ZNF654: variants seen among roughly 807,000 people sequenced by gnomAD.
ZNF654 encodes zinc finger protein 654.
In ZNF654, 19 loss-of-function variants were observed where a neutral mutation model predicts 95.3. That is an observed-to-expected ratio of 0.20 (90% CI 0.14 to 0.29). The LOEUF is 0.29. Ranked by LOEUF, ZNF654 falls within the 10% of genes least tolerant of loss-of-function variation. ZNF654 has a pLI of 1.00. For missense variants in ZNF654, 1,046 were observed against 1,341.0 expected (o/e 0.78, Z 3.44); for synonymous variants, 413 against 457.9 (o/e 0.90, Z 1.25).
intron 1 of ZNF654, among the ~76,000 whole-genome samples, chr3:88,065,201 G>A (rs1306999493): frequency 5.3e-5 from 8 of 151,996 alleles, no homozygotes; most frequent in Non-Finnish European, 7.4e-5. Flanking sequence ...ACATCAACTC[G>A]TTTATTATAA....
rs771666001 is a variant in ZNF654 at position 88,141,671 on chromosome 3, ATC to A, written c.*21_*22del. ...TGCCTGATGAAAACGGTTCAGAAAG[ATC>A]TGTCAATCAAGCAGTAGTGTGAAAA... On this transcript the variant is annotated 3_prime_UTR_variant, in exon 9 of 9. Transcript: ENST00000636215. The A allele has an allele frequency of 6.7e-7, 1 of 1,502,124 alleles. No homozygotes were observed. Among genetic ancestry groups the A allele is most frequent in the Non-Finnish European group, 9.0e-7 (1 of 1,110,700 alleles). 93.0% of individuals were successfully genotyped at this position (1,502,124 alleles called of 1,614,324 possible).
rs1296948026 is a variant in ZNF654, at chr3:88,143,895, CAT to C, written c.*2245_*2246del. On this transcript the variant is annotated 3_prime_UTR_variant, in exon 9 of 9. Transcript: ENST00000636215. ...ATTTTATTACATCTGTCTTTTAAAA[CAT>C]AAACCTACATCATTTTGCTTTTATA... The C allele has an allele frequency of 6.6e-6, 1 of 151,918 alleles. No homozygotes were observed. Among genetic ancestry groups the C allele is most frequent in the Non-Finnish European group, 1.5e-5 (1 of 67,772 alleles). 9.4% of individuals were successfully genotyped at this position (151,918 alleles called of 1,614,324 possible). A position where few individuals can be genotyped will look rare whatever the true frequency, so the allele number is the denominator to read the frequency against.
chr3:88,140,533 T>C lies in ZNF654; in HGVS notation c.2864T>C (p.Leu955Ser). 6.2e-7 allele frequency: 1 copy of C among 1,613,744 alleles called. No individual in the cohort carries two copies. The highest frequency in any genetic ancestry group is 8.5e-7 in the Non-Finnish European group (1 of 1,179,740). The change falls in exon 8 of 9, where the codon TTG becomes TCG. Residue 955 changes from leucine (L) to serine (S), a missense_variant. Leu to Ser is a moderately radical substitution (Grantham distance 145). Transcript: ENST00000636215. The part of the protein sequence containing the change: ...RSDDTVSNIS[L>S]IDQKMPDIEP... ...GATGACACTGTTTCAAATATAAGCT[T>C]GATAGACCAAAAGATGCCTGACATA...
Position 88,135,089 on chromosome 3 carries a change from C to A in ZNF654, c.922C>A (p.Gln308Lys). 1.4e-6 allele frequency: 2 copies of A among 1,460,786 alleles called. No homozygotes were observed. Among genetic ancestry groups the A allele is most frequent in the Non-Finnish European group, 1.8e-6 (2 of 1,116,022 alleles). 90.5% of individuals were successfully genotyped at this position (1,460,786 alleles called of 1,614,324 possible). A position where few individuals can be genotyped will look rare whatever the true frequency, so the allele number is the denominator to read the frequency against. Residue 308 changes from glutamine (Q) to lysine (K), a missense_variant, in exon 7 of 9, where the codon CAG becomes AAG. By Grantham distance (53) the Gln-to-Lys change is moderately conservative. Around this residue, in one of 9 missense-constraint regions of ZNF654, gnomAD observed 121 missense variants for 141.7 expected, o/e 0.85. Transcript: ENST00000636215. ...WELIFIWSKLQLKSNPSKQVF... is the reference protein window; with the variant it reads ...WELIFIWSKLKLKSNPSKQVF... ...GTTGATTTTCATATGGAGTAAACTACAGCTTAAATCTAATCCTTCAAAACA... is the reference window on the plus strand; with the variant it reads ...GTTGATTTTCATATGGAGTAAACTAAAGCTTAAATCTAATCCTTCAAAACA...
At position 88,141,762 on chromosome 3, in the gene ZNF654, T is replaced by TGGACCA. The variant is rs756841823; in HGVS notation, c.*110_*111insGGACCA. 58 of 807,550 alleles carry TGGACCA rather than the reference T, an allele frequency of 7.2e-5. No homozygotes were observed. Among genetic ancestry groups the TGGACCA allele is most frequent in the Non-Finnish European group, 1.0e-4 (56 of 537,500 alleles). 50.0% of individuals were successfully genotyped at this position (807,550 alleles called of 1,614,324 possible). On this transcript the variant is annotated 3_prime_UTR_variant, in exon 9 of 9. Transcript: ENST00000636215. ...CCTGATGGCCTTAATTTTAGAGTGG[T>TGGACCA]CTTGGATTACTAAAGATAAAGACAA...
Position 88,139,701 on chromosome 3 carries a change from G to A in ZNF654, c.2032G>A (p.Glu678Lys), listed in dbSNP as rs748893650. 2 of 1,580,990 alleles carry A rather than the reference G, an allele frequency of 1.3e-6. No homozygotes were observed. The highest frequency in any genetic ancestry group is 1.1e-5 in the South Asian group (1 of 87,534). Residue 678 changes from glutamate (E) to lysine (K), a missense_variant, in exon 8 of 9, where the codon GAA becomes AAA. By Grantham distance (56) the Glu-to-Lys change is moderately conservative (BLOSUM62 1). Coordinates refer to ENST00000636215, the MANE Select transcript of ZNF654 (RefSeq NM_001350134.2). ...VPEDVIENVI[E>K]NGSPNNSLNN... ...AGAAGATGTTATTGAAAATGTTATT[G>A]AAAATGGCAGTCCTAATAATTCTTT... is the stretch of plus-strand genomic sequence containing the variant.
chr3:88,078,330 G>A (rs1215174511), intron 1 of ZNF654, among the ~76,000 whole-genome samples: 1 of 152,104 alleles, frequency 6.6e-6, no homozygotes, highest in African/African-American at 2.4e-5. Context: ...CTAACAAGGT[G>A]AATGATTTTC....
In ZNF654 at chr3:88,109,075, G is replaced by A. The variant is rs150586785; in HGVS notation, c.333-4040G>A. Among the ~76,000 whole-genome samples the A allele has an allele frequency of 2.6e-3, 393 of 151,686 alleles. 1 individual carries two copies. Among genetic ancestry groups the A allele is most frequent in the African/African-American group, 8.9e-3 (369 of 41,416 alleles). On this transcript the variant is annotated intron_variant, in intron 2 of 8. Coordinates refer to ENST00000636215, the MANE Select transcript of ZNF654 (RefSeq NM_001350134.2). ...ATGAAAATTGGGTTAGGTGCTATCC[G>A]TGGTTTCAAGCATCCAGTGGGAGGG...
At chr3:88,061,621 G>A (rs183527051) in intron 1 of ZNF654, among the ~76,000 whole-genome samples, 1 of 152,122 alleles carries the variant, frequency 6.6e-6, no homozygotes, top group East Asian at 1.9e-4. Flanking sequence ...GCTTTTAGAT[G>A]GAATAAAATA....
At chr3:88,062,878 G>A (rs553712807) in intron 1 of ZNF654, among the ~76,000 whole-genome samples, 6 of 152,246 alleles carry the variant, frequency 3.9e-5, no homozygotes, top group Middle Eastern at 3.4e-3. Flanking sequence ...TATTTCTCTC[G>A]TAAAATCCTC....
chr3:88,094,023 T>C (rs1191189933), intron 2 of ZNF654, among the ~76,000 whole-genome samples: 5 of 152,152 alleles, frequency 3.3e-5, no homozygotes, highest in East Asian at 3.8e-4. Flanking sequence ...ATTTGTGACA[T>C]GTGAACTTAG....
At chr3:88,108,555 T>C (rs1452237148) in intron 2 of ZNF654, among the ~76,000 whole-genome samples, 1 of 152,148 alleles carries the variant, frequency 6.6e-6, no homozygotes, top group Non-Finnish European at 1.5e-5. Context: ...CTATTCTGAG[T>C]AGCATGATGA....
chr3:88,104,906 A>G (rs191528887), intron 2 of ZNF654, among the ~76,000 whole-genome samples: 4 of 152,382 alleles, frequency 2.6e-5, no homozygotes, highest in African/African-American at 9.6e-5. Context: ...TGGAAGGCCA[A>G]GGTGGGCAGA....
intron 1 of ZNF654, among the ~76,000 whole-genome samples, chr3:88,078,226 T>A (rs1265963445): frequency 6.6e-6 from 1 of 152,242 alleles, no homozygotes; most frequent in East Asian, 1.9e-4. Context: ...TGCATGTTCA[T>A]TATCTTCTAT....
At chr3:88,116,897 AG>A (rs1705442796) in intron 3 of ZNF654, among the ~76,000 whole-genome samples, 1 of 152,328 alleles carries the variant, frequency 6.6e-6, no homozygotes, top group African/African-American at 2.4e-5. Context: ...CTAGTAAAAC[AG>A]TTCTCTGTTC....
chr3:88,138,964 G>A lies in ZNF654; in HGVS notation c.1295G>A (p.Arg432His), dbSNP rs1328514488. Reference sequence around the variant, plus strand: ...GAAGGCACAAGTAGTGTTCAAAATCGTGTTCGTTTTGAATTGCTTCCAATT... The same window carrying A: ...GAAGGCACAAGTAGTGTTCAAAATCATGTTCGTTTTGAATTGCTTCCAATT... Reference protein sequence around the residue: ...YNEGTSSVQNRVRFELLPILK... With the variant: ...YNEGTSSVQNHVRFELLPILK... Residue 432 changes from arginine (R) to histidine (H), a missense_variant, in exon 8 of 9, where the codon CGT becomes CAT. By Grantham distance (29) the Arg-to-His change is conservative. Around this residue, in one of 9 missense-constraint regions of ZNF654, gnomAD observed 78 missense variants for 154.2 expected, o/e 0.51. Transcript: ENST00000636215. 2.2e-5 allele frequency: 27 copies of A among 1,244,816 alleles called. No individual in the cohort carries two copies. Among genetic ancestry groups the A allele is most frequent in the Non-Finnish European group, 2.5e-5 (25 of 996,720 alleles). The allele number at this position is 1,244,816 out of a possible 1,614,324, so 77.1% of individuals were successfully genotyped here. A position where few individuals can be genotyped will look rare whatever the true frequency, so the allele number is the denominator to read the frequency against.
At chr3:88,131,773 T>C (rs1382139099) in intron 6 of ZNF654, among the ~76,000 whole-genome samples, 1 of 152,154 alleles carries the variant, frequency 6.6e-6, no homozygotes, top group African/African-American at 2.4e-5. Flanking sequence ...CTCTTTTCTA[T>C]ATTTCTGAAT....
chr3:88,060,052 G>C (rs373433058), intron 1 of ZNF654, among the ~76,000 whole-genome samples: 2 of 152,054 alleles, frequency 1.3e-5, no homozygotes, highest in South Asian at 2.1e-4. Context: ...AGTTGGCGTA[G>C]ACGCTGACCC....
At chr3:88,124,744 T>A (rs1705983293) in intron 3 of ZNF654, among the ~76,000 whole-genome samples, 1 of 150,794 alleles carries the variant, frequency 6.6e-6, no homozygotes, top group Non-Finnish European at 1.5e-5. Context: ...TGGCAATTGC[T>A]TGTGTTTTGA....
Sources: gnomAD v4.1 joint callset for allele counts (sites outside exome capture counted in the v4.1 genomes callset) on GRCh38, gnomAD v4.1.1 for gene constraint, gnomAD v4.1.1 regional missense constraint, MANE v1.5 for transcripts, NCBI Gene and HGNC (gene_info 2026-07-23, HGNC 2026-07-21) for gene names.